The following SRFBP1 variants were observed in gnomAD, a reference collection of about 807,000 sequenced individuals.
SRFBP1 encodes serum response factor binding protein 1.
A neutral mutation model predicts 45.5 loss-of-function variants in SRFBP1; 47 were observed. That is an observed-to-expected ratio of 1.03 (90% CI 0.82 to 1.32). The LOEUF (loss-of-function observed/expected upper bound fraction) is 1.32, where lower values mean the gene tolerates loss of function less well. Among genes scored for constraint, SRFBP1 ranks in the 40% most tolerant of loss-of-function variants. The probability of loss-of-function intolerance (pLI) is 0.00; values close to 1 mark genes in which losing one functional copy is unlikely to be tolerated. For synonymous variants in SRFBP1, 203 were observed against 166.3 expected, an observed-to-expected ratio of 1.22 and a Z score of -1.70; for missense variants, 621 against 484.6, an observed-to-expected ratio of 1.28 and a Z score of -2.64.
chr5:122,058,977 C>G (rs1754129259), intron 2 of SRFBP1, among the ~76,000 whole-genome samples: 1 of 152,022 alleles, frequency 6.6e-6, no homozygotes, highest in Non-Finnish European at 1.5e-5. Context: ...TCAAATAGAC[C>G]AACATTGAGG....
chr5:122,011,699 C>T (rs553486052), intron 4 of SRFBP1, among the ~76,000 whole-genome samples: 1 of 152,148 alleles, frequency 6.6e-6, no homozygotes, highest in African/African-American at 2.4e-5. Context: ...ATGTGTAAGA[C>T]AGTGTCTTCA....
intron 2 of SRFBP1, among the ~76,000 whole-genome samples, chr5:122,051,828 T>A (rs1377926474): frequency 6.6e-6 from 1 of 152,254 alleles, no homozygotes; most frequent in East Asian, 1.9e-4. Context: ...AGACTTTTTG[T>A]GTGGTTGCTT....
At position 122,022,149 on chromosome 5, in the gene SRFBP1, G is replaced by A. The variant is rs1036620422; in HGVS notation, c.1068-221G>A. Among the ~76,000 whole-genome samples the A allele has an allele frequency of 5.3e-5, 8 of 152,116 alleles. 1 individual carries two copies. The highest frequency in any genetic ancestry group is 1.0e-4 in the Non-Finnish European group (7 of 68,022). On this transcript the variant is annotated intron_variant, in intron 6 of 7. Coordinates refer to ENST00000339397, the MANE Select transcript of SRFBP1 (RefSeq NM_152546.3). ...AGAATTCTCTTTAAAGGTGGTGAGG[G>A]AAATAGGTCCTCATGTGTCTGTAGT...
intron 2 of SRFBP1, chr5:122,065,515 C>G (rs967985756): frequency 2.6e-5 from 4 of 152,178 alleles, no homozygotes; most frequent in African/African-American, 9.6e-5. Flanking sequence ...TTACGCAGCA[C>G]AGTCCTTGGT....
intron 4 of SRFBP1, 88 bp from the exon 5 acceptor site, chr5:122,019,172 A>T: frequency 9.0e-7 from 1 of 1,110,358 alleles, no homozygotes. Context: ...TCTAATTTTA[A>T]AGACTATGAT....
At chr5:122,014,153 A>C (rs1479380763) in intron 4 of SRFBP1, among the ~76,000 whole-genome samples, 3 of 152,120 alleles carry the variant, frequency 2.0e-5, no homozygotes, top group African/African-American at 7.2e-5. Flanking sequence ...TAAGTGTCTA[A>C]AATTATTGTC....
At position 121,998,343 on chromosome 5, in the gene SRFBP1, T is replaced by G. The variant is rs1333860294; in HGVS notation, c.270+3673T>G. Among the ~76,000 whole-genome samples the G allele has an allele frequency of 8.7e-4, 129 of 148,956 alleles. 1 individual carries two copies. Among genetic ancestry groups the G allele is most frequent in the Middle Eastern group, 6.9e-3 (2 of 288 alleles). On this transcript the variant is annotated intron_variant, in intron 4 of 7. Transcript: ENST00000339397. ...TGGAATACTATGCAGCCATAAAAAA[T>G]GATGAGTTCATGTCCTTTGTAGGGA...
chr5:122,012,056 T>G (rs1753106875), intron 4 of SRFBP1, among the ~76,000 whole-genome samples: 1 of 152,128 alleles, frequency 6.6e-6, no homozygotes, highest in Admixed American at 6.5e-5. Context: ...AGTTGAAAAC[T>G]TGTTGAGAAT....
chr5:122,037,281 C>G (rs560870310), intron 2 of SRFBP1, among the ~76,000 whole-genome samples: 12 of 152,280 alleles, frequency 7.9e-5, no homozygotes, highest in Admixed American at 2.6e-4. Flanking sequence ...AAACATCATG[C>G]TCACACTCTG....
At chr5:121,973,883 G>A (rs1484610333) in intron 1 of SRFBP1, among the ~76,000 whole-genome samples, 6 of 151,698 alleles carry the variant, frequency 4.0e-5, no homozygotes, top group Admixed American at 3.9e-4. Flanking sequence ...GTGATTTCAG[G>A]GAACTCACTG....
At chr5:122,000,577 C>A (rs1426079400) in intron 4 of SRFBP1, among the ~76,000 whole-genome samples, 1 of 151,914 alleles carries the variant, frequency 6.6e-6, no homozygotes, top group Non-Finnish European at 1.5e-5. Flanking sequence ...GTGTTGATAG[C>A]TCTTGTCTTT....
chr5:122,002,749 G>A (rs1416107527), intron 4 of SRFBP1, among the ~76,000 whole-genome samples: 2 of 152,168 alleles, frequency 1.3e-5, no homozygotes, highest in African/African-American at 2.4e-5. Flanking sequence ...TATGTGAGAT[G>A]TGAGAAATTG....
intron 1 of SRFBP1, 94 bp downstream of exon 1, chr5:121,962,162 T>C: frequency 6.6e-7 from 1 of 1,503,934 alleles, no homozygotes; most frequent in Non-Finnish European, 9.1e-7. Flanking sequence ...GAGGGTGCGG[T>C]TGGAGGAACT....
At chr5:122,009,813 A>G (rs1281092497) in intron 4 of SRFBP1, among the ~76,000 whole-genome samples, 1 of 123,298 alleles carries the variant, frequency 8.1e-6, no homozygotes, top group Non-Finnish European at 2.0e-5. Flanking sequence ...TAATCTCTCA[A>G]GGGAAAATAT....
At chr5:121,975,446 T>G (rs980905015) in intron 3 of SRFBP1, 59 bp downstream of exon 3, 2 of 1,590,752 alleles carry the variant, frequency 1.3e-6, no homozygotes, top group Non-Finnish European at 1.7e-6. Context: ...TTATCCTGCA[T>G]TTTGTTTGTG....
chr5:121,973,120 C>T (rs1407393813), intron 1 of SRFBP1, among the ~76,000 whole-genome samples: 1 of 151,494 alleles, frequency 6.6e-6, no homozygotes, highest in Non-Finnish European at 1.5e-5. Flanking sequence ...ATTTTTTGTG[C>T]CAGGCACTCT....
intron 4 of SRFBP1, among the ~76,000 whole-genome samples, chr5:122,014,744 T>G (rs1753162854): frequency 6.6e-6 from 1 of 152,106 alleles, no homozygotes; most frequent in African/African-American, 2.4e-5. Flanking sequence ...AATGATAAAA[T>G]GACTCTTAAC....
chr5:122,040,241 G>C (rs1019084476), intron 2 of SRFBP1, among the ~76,000 whole-genome samples: 3 of 152,044 alleles, frequency 2.0e-5, no homozygotes, highest in Non-Finnish European at 4.4e-5. Flanking sequence ...ATAAAATCAT[G>C]GATTTGCCAG....
intron 2 of SRFBP1, among the ~76,000 whole-genome samples, chr5:122,036,997 C>G (rs1449149392): frequency 6.6e-6 from 1 of 151,752 alleles, no homozygotes; most frequent in African/African-American, 2.4e-5. Flanking sequence ...CTCCCGGGTT[C>G]AAGCAATTCT....
Sources: allele counts gnomAD v4.1 joint callset (sites outside exome capture counted in the v4.1 genomes callset), GRCh38; gene constraint gnomAD v4.1.1; transcripts MANE v1.5; gene names NCBI Gene and HGNC (gene_info 2026-07-23, HGNC 2026-07-21).